Variants in STAC observed in about 807,000 individuals in gnomAD.
The protein encoded by STAC is SH3 and cysteine-rich domain-containing protein.
A neutral mutation model predicts 48.8 loss-of-function variants in STAC; 43 were observed. That is an observed-to-expected ratio of 0.88 (90% CI 0.69 to 1.14). The LOEUF (loss-of-function observed/expected upper bound fraction) is 1.14. Among genes scored for constraint, STAC ranks in the 50% most tolerant of loss-of-function variants. STAC has a pLI of 0.00. For synonymous variants in STAC, 193 were observed against 179.5 expected (o/e 1.07, Z -0.60); for missense variants, 497 against 504.0 (o/e 0.99, Z 0.13).
chr3:36,449,896 C>G (rs1391136668), intron 2 of STAC, among the ~76,000 whole-genome samples: 1 of 152,200 alleles, frequency 6.6e-6, no homozygotes. Context: ...TCCCATATTT[C>G]CCACTGCTCT....
At chr3:36,436,912 C>A (rs1575198407) in intron 1 of STAC, among the ~76,000 whole-genome samples, 1 of 151,898 alleles carries the variant, frequency 6.6e-6, no homozygotes, top group Admixed American at 6.6e-5. Flanking sequence ...CTACAATGAA[C>A]TCAAACAAAT....
At position 36,522,446 on chromosome 3, in the gene STAC, G is replaced by C. The variant is rs187685925; in HGVS notation, c.921-6250G>C. 2.3e-3 allele frequency among the ~76,000 whole-genome samples: 344 copies of C among 152,258 alleles called. 4 individuals are homozygous for C. The highest frequency in any genetic ancestry group is 4.0e-4 in the Non-Finnish European group (27 of 68,026). ...ATTTAGTCCTCAAAAAATATTGATG[G>C]GGTAAGTGCTATTATCCTAACCTTA... On this transcript the variant is annotated intron_variant, in intron 8 of 10. Transcript: ENST00000273183.
chr3:36,501,646 C>T (rs1055449419), intron 6 of STAC, among the ~76,000 whole-genome samples: 1 of 152,034 alleles, frequency 6.6e-6, no homozygotes, highest in Non-Finnish European at 1.5e-5. Flanking sequence ...GAAGCTGAAT[C>T]AATATTTTAA....
At chr3:36,481,590 C>G (rs1575229428) in intron 2 of STAC, among the ~76,000 whole-genome samples, 1 of 152,184 alleles carries the variant, frequency 6.6e-6, no homozygotes, top group Non-Finnish European at 1.5e-5. Context: ...TCCTGTATCT[C>G]CCCTCTAAAG....
At chr3:36,543,503 T>C (rs1299047116) in intron 10 of STAC, among the ~76,000 whole-genome samples, 3 of 152,270 alleles carry the variant, frequency 2.0e-5, no homozygotes, top group South Asian at 2.1e-4. Flanking sequence ...GCATGAACCA[T>C]TGTGCTTCTT....
intron 8 of STAC, among the ~76,000 whole-genome samples, chr3:36,507,958 C>T (rs1463287878): frequency 1.3e-5 from 2 of 152,118 alleles, no homozygotes; most frequent in Non-Finnish European, 2.9e-5. Context: ...TTGTCTTCTG[C>T]TAGCTTTCAA....
rs775751742 is a variant in STAC at position 36,530,580 on chromosome 3, C to CTTTT, written c.1110+1604_1110+1607dup. 4.5e-4 allele frequency among the ~76,000 whole-genome samples: 46 copies of CTTTT among 102,652 alleles called. 1 individual carries two copies. The highest frequency in any genetic ancestry group is 1.1e-3 in the East Asian group (4 of 3,602). 67.3% of individuals were successfully genotyped at this position (102,652 alleles called of 152,430 possible). On this transcript the variant is annotated intron_variant, in intron 10 of 10. Coordinates refer to ENST00000273183, the MANE Select transcript of STAC (RefSeq NM_003149.3). ...CTCAAAGAATAATAATTCACCTTTT[C>CTTTT]TTTTTTTTTTTTCTTTTTTTTTTTT... is the stretch of plus-strand genomic sequence containing the variant.
intron 1 of STAC, among the ~76,000 whole-genome samples, chr3:36,441,778 T>C (rs1032217422): frequency 9.2e-5 from 14 of 152,366 alleles, no homozygotes; most frequent in African/African-American, 2.9e-4. Context: ...ACAGCCATTG[T>C]AACTGGAGTG....
chr3:36,425,438 G>C (rs1700541461), intron 1 of STAC, among the ~76,000 whole-genome samples: 1 of 152,180 alleles, frequency 6.6e-6, no homozygotes. Context: ...CCGAGGACCT[G>C]ATACAGATTG....
chr3:36,485,025 C>G lies in STAC; in HGVS notation c.538C>G (p.Gln180Glu). 1 of 1,604,446 alleles carries G rather than the reference C, an allele frequency of 6.2e-7. No homozygotes were observed. The highest frequency in any genetic ancestry group is 8.5e-7 in the Non-Finnish European group (1 of 1,175,708). The change falls in exon 4 of 11, where the codon CAG (glutamine) becomes GAG (glutamate). Residue 180 changes from glutamine to glutamate, a missense_variant. Coordinates refer to ENST00000273183, the MANE Select transcript of STAC (RefSeq NM_003149.3). ...CAGCTCCCCCTTGCTCATTCATGAA[C>G]AGTTTGGCTGCATTAAAGAAGTTAT... is the stretch of plus-strand genomic sequence containing the variant. ...YYSSPLLIHE[Q>E]FGCIKEVMPI...
chr3:36,509,251 C>G (rs1033742141), intron 8 of STAC, among the ~76,000 whole-genome samples: 8 of 152,130 alleles, frequency 5.3e-5, no homozygotes, highest in African/African-American at 1.9e-4. Context: ...GGCCTATACT[C>G]TCTTCTGGCT....
intron 10 of STAC, among the ~76,000 whole-genome samples, chr3:36,541,115 A>C (rs1474390464): frequency 1.3e-5 from 2 of 151,906 alleles, no homozygotes; most frequent in Non-Finnish European, 2.9e-5. Context: ...GGCTGCAGCC[A>C]CTCCAGGAAT....
chr3:36,526,969 C>G (rs1188570133), intron 8 of STAC, among the ~76,000 whole-genome samples: 1 of 152,168 alleles, frequency 6.6e-6, no homozygotes, highest in African/African-American at 2.4e-5. Context: ...TGCTTATCTG[C>G]TATACGTTCA....
chr3:36,380,529 G>A lies in STAC; in HGVS notation c.-115G>A, dbSNP rs550762490. On this transcript the variant is annotated 5_prime_UTR_variant, in exon 1 of 11. Transcript: ENST00000273183. ...GGAGGGCACGTCGGCGCCTCGGCGA[G>A]GATGGGAGTCCCCAGGACCCGGAGC... is the stretch of plus-strand genomic sequence containing the variant. The A allele has an allele frequency of 1.3e-6, 1 of 776,930 alleles. No homozygotes were observed. The highest frequency in any genetic ancestry group is 2.4e-5 in the Admixed American group (1 of 42,472). 48.1% of individuals were successfully genotyped at this position (776,930 alleles called of 1,614,324 possible). A position where few individuals can be genotyped will look rare whatever the true frequency, so the allele number is the denominator to read the frequency against.
chr3:36,383,200 C>T (rs1164810123), intron 1 of STAC, among the ~76,000 whole-genome samples: 2 of 152,110 alleles, frequency 1.3e-5, no homozygotes, highest in African/African-American at 4.8e-5. Flanking sequence ...TGAGCGAGAA[C>T]AATAGTGAGC....
chr3:36,400,355 T>C (rs1222930386), intron 1 of STAC, among the ~76,000 whole-genome samples: 2 of 152,236 alleles, frequency 1.3e-5, no homozygotes, highest in African/African-American at 4.8e-5. Flanking sequence ...TGGAGCATTC[T>C]GAATCTCATT....
At chr3:36,492,031 A>ATATAT (rs1553639881) in intron 5 of STAC, among the ~76,000 whole-genome samples, 2 of 16,440 alleles carry the variant, frequency 1.2e-4, no homozygotes, top group Non-Finnish European at 1.2e-4. Context: ...AAAAAAAAAA[A>ATATAT]ATATATATAT....
intron 10 of STAC, among the ~76,000 whole-genome samples, chr3:36,535,226 T>C (rs1200794628): frequency 6.6e-6 from 1 of 152,184 alleles, no homozygotes; most frequent in East Asian, 1.9e-4. Flanking sequence ...TTTAGACTCT[T>C]TGTAGCGATT....
intron 8 of STAC, among the ~76,000 whole-genome samples, chr3:36,522,066 C>A (rs1274758033): frequency 6.6e-6 from 1 of 151,676 alleles, no homozygotes; most frequent in African/African-American, 2.4e-5. Context: ...CCAACCTGGA[C>A]AACAGAGTGA....
Sources: allele counts gnomAD v4.1 joint callset (sites outside exome capture counted in the v4.1 genomes callset), GRCh38; gene constraint gnomAD v4.1.1; transcripts MANE v1.5; gene names NCBI Gene and HGNC (gene_info 2026-07-23, HGNC 2026-07-21).